Variants in FHIT observed in about 807,000 individuals in gnomAD.
FHIT encodes the protein fragile histidine triad diadenosine triphosphatase, also known as bis(5'-adenosyl)-triphosphatase.
In FHIT, 19 loss-of-function variants were observed where a neutral mutation model predicts 17.9. The observed-to-expected ratio is 1.06, with a 90% CI of 0.74 to 1.56. FHIT has a LOEUF of 1.56. Among genes scored for constraint, FHIT ranks in the 40% most tolerant of loss-of-function variants. The probability of loss-of-function intolerance (pLI) is 0.00; values close to 1 mark genes in which losing one functional copy is unlikely to be tolerated. For missense variants in FHIT, 248 were observed against 189.2 expected (o/e 1.31, Z -1.82); for synonymous variants, 81 against 69.7 (o/e 1.16, Z -0.81).
intron 3 of FHIT, among the ~76,000 whole-genome samples, chr3:61,034,296 T>C (rs898242614): frequency 6.6e-5 from 10 of 152,034 alleles, no homozygotes; most frequent in Non-Finnish European, 1.2e-4. Flanking sequence ...CCTTGGTACA[T>C]CAAAGACATT....
Position 60,478,526 on chromosome 3 carries a change from T to C in FHIT, c.103+58334A>G, listed in dbSNP as rs866103711. Reference sequence around the variant, plus strand: ...AAGTGCACTTTACATAAAAAAACAATAGAATGCATCTGGCAGAAGTATGAG... The same window carrying C: ...AAGTGCACTTTACATAAAAAAACAACAGAATGCATCTGGCAGAAGTATGAG... On this transcript the variant is annotated intron_variant, in intron 5 of 9. Transcript: ENST00000492590. Among the ~76,000 whole-genome samples, 17 of 152,010 alleles carry C rather than the reference T, an allele frequency of 1.1e-4. 1 individual carries two copies. Among genetic ancestry groups the C allele is most frequent in the African/African-American group, 3.6e-4 (15 of 41,366 alleles).
intron 1 of FHIT, among the ~76,000 whole-genome samples, chr3:61,209,418 A>G (rs1271876284): frequency 6.6e-6 from 1 of 152,158 alleles, no homozygotes; most frequent in Non-Finnish European, 1.5e-5. Flanking sequence ...GTGTTTTCCA[A>G]CTTGGTTCCA....
intron 2 of FHIT, among the ~76,000 whole-genome samples, chr3:61,171,268 A>G (rs932314540): frequency 6.6e-6 from 1 of 152,094 alleles, no homozygotes; most frequent in Non-Finnish European, 1.5e-5. Context: ...AAAAGTGTCT[A>G]TCAAGTCCTT....
chr3:60,339,165 G>A (rs921923363), intron 5 of FHIT, among the ~76,000 whole-genome samples: 1 of 152,122 alleles, frequency 6.6e-6, no homozygotes, highest in Non-Finnish European at 1.5e-5. Context: ...TATAAAATGA[G>A]TGATTTTTGC....
intron 8 of FHIT, among the ~76,000 whole-genome samples, chr3:59,821,445 CA>C (rs1700784633): frequency 6.6e-6 from 1 of 152,192 alleles, no homozygotes. Flanking sequence ...TGCAAGGAGA[CA>C]GCTGCAGTTT....
intron 4 of FHIT, among the ~76,000 whole-genome samples, chr3:60,697,132 A>G (rs1553700806): frequency 6.6e-6 from 1 of 152,202 alleles, no homozygotes. Context: ...CTTTACAAAT[A>G]CATGCAGTAT....
intron 1 of FHIT, among the ~76,000 whole-genome samples, chr3:61,215,246 G>A (rs892687450): frequency 1.1e-4 from 17 of 151,760 alleles, no homozygotes; most frequent in African/African-American, 3.6e-4. Flanking sequence ...TGACATGATT[G>A]TATATCTAGA....
chr3:61,141,892 C>T (rs972570544), intron 2 of FHIT, among the ~76,000 whole-genome samples: 4 of 151,448 alleles, frequency 2.6e-5, no homozygotes, highest in Admixed American at 6.6e-5. Context: ...TCTGCATCAC[C>T]GGGATGACTG....
intron 5 of FHIT, among the ~76,000 whole-genome samples, chr3:60,456,689 A>T (rs891619233): frequency 1.3e-5 from 2 of 152,146 alleles, no homozygotes; most frequent in Non-Finnish European, 2.9e-5. Flanking sequence ...TTTTTTACTG[A>T]TATCAGCACT....
intron 5 of FHIT, among the ~76,000 whole-genome samples, chr3:60,301,977 G>C (rs1009516948): frequency 6.6e-6 from 1 of 151,930 alleles, no homozygotes; most frequent in African/African-American, 2.4e-5. Context: ...GTTTGCTCTC[G>C]GGAGATGATT....
intron 5 of FHIT, among the ~76,000 whole-genome samples, chr3:60,441,757 A>ATATTTGTATTTATATATATATTT (rs1336572305): frequency 1.8e-5 from 1 of 55,940 alleles, no homozygotes; most frequent in Non-Finnish European, 3.7e-5. Context: ...TATATATAAA[A>ATATTTGTATTTATATATATATTT]ATATATATAT....
At chr3:60,134,374 T>C (rs1699719525) in intron 5 of FHIT, among the ~76,000 whole-genome samples, 1 of 152,160 alleles carries the variant, frequency 6.6e-6, no homozygotes, top group South Asian at 2.1e-4. Flanking sequence ...CTTTAGAAAA[T>C]TGTTCACATT....
intron 5 of FHIT, among the ~76,000 whole-genome samples, chr3:60,299,900 T>C (rs1408790013): frequency 6.6e-6 from 1 of 152,098 alleles, no homozygotes; most frequent in Non-Finnish European, 1.5e-5. Context: ...GTAGTACAGA[T>C]ATTATCTAAA....
At chr3:61,206,891 T>C (rs1177520987) in intron 1 of FHIT, among the ~76,000 whole-genome samples, 1 of 152,190 alleles carries the variant, frequency 6.6e-6, no homozygotes, top group Non-Finnish European at 1.5e-5. Context: ...ATCCCTGTCT[T>C]GTGCCAGTTT....
chr3:60,370,819 T>C (rs1250372866), intron 5 of FHIT, among the ~76,000 whole-genome samples: 2 of 152,234 alleles, frequency 1.3e-5, no homozygotes, highest in Admixed American at 6.5e-5. Flanking sequence ...AGCTTCTAAG[T>C]GCTCTTCTTA....
intron 8 of FHIT, among the ~76,000 whole-genome samples, chr3:59,841,961 A>G (rs917105343): frequency 6.6e-6 from 1 of 152,156 alleles, no homozygotes; most frequent in Non-Finnish European, 1.5e-5. Flanking sequence ...CAGTGACAAT[A>G]AGTACATTTA....
chr3:59,837,422 G>A (rs1361500207), intron 8 of FHIT, among the ~76,000 whole-genome samples: 1 of 152,050 alleles, frequency 6.6e-6, no homozygotes. Context: ...ATTGTTTAGG[G>A]AATAATGACA....
intron 3 of FHIT, among the ~76,000 whole-genome samples, chr3:60,961,231 C>A (rs1239423895): frequency 6.6e-6 from 1 of 152,196 alleles, no homozygotes; most frequent in Non-Finnish European, 1.5e-5. Flanking sequence ...TAAATGTCTT[C>A]TTTTGAGAAG....
chr3:61,101,441 C>T (rs780302734), intron 2 of FHIT, among the ~76,000 whole-genome samples: 3 of 152,046 alleles, frequency 2.0e-5, no homozygotes, highest in South Asian at 2.1e-4. Flanking sequence ...GTGCCAGTAC[C>T]GTGATGTTTT....
Sources: gnomAD v4.1 joint callset for allele counts (sites outside exome capture counted in the v4.1 genomes callset) on GRCh38, gnomAD v4.1.1 for gene constraint, MANE v1.5 for transcripts, NCBI Gene and HGNC (gene_info 2026-07-23, HGNC 2026-07-21) for gene names.